Variants in MRPL58 observed in about 807,000 individuals in gnomAD.
MRPL58 encodes large ribosomal subunit protein mL62.
MRPL58 carries 17 observed loss-of-function variants against 26.0 expected under a neutral mutation model. The observed-to-expected ratio is 0.65, with a 90% CI of 0.45 to 0.98. The LOEUF (loss-of-function observed/expected upper bound fraction) is 0.98, where lower values mean the gene tolerates loss of function less well. Among genes scored for constraint, MRPL58 ranks in the 50% least tolerant of loss-of-function variants. The probability of loss-of-function intolerance (pLI) is 0.00; values close to 1 mark genes in which losing one functional copy is unlikely to be tolerated. For missense variants in MRPL58, 250 were observed against 269.0 expected (o/e 0.93, Z 0.49); for synonymous variants, 100 against 99.7 (o/e 1.00, Z -0.02).
intron 1 of MRPL58, among the ~76,000 whole-genome samples, chr17:75,015,366 C>A (rs559147472): frequency 5.9e-5 from 9 of 152,270 alleles, no homozygotes; most frequent in African/African-American, 9.6e-5. Context: ...CGCCTGTAGT[C>A]CCAGCTACTC....
chr17:75,013,477 GGA>G (rs2039949198), intron 1 of MRPL58, among the ~76,000 whole-genome samples: 1 of 152,216 alleles, frequency 6.6e-6, no homozygotes. Flanking sequence ...GCTAGGGGAT[GGA>G]GTAGCAAACA....
chr17:75,016,581 A>C (rs1415541994), intron 1 of MRPL58, among the ~76,000 whole-genome samples: 1 of 152,092 alleles, frequency 6.6e-6, no homozygotes, highest in Non-Finnish European at 1.5e-5. Context: ...CAAGAGAGAG[A>C]GAGACATGGA....
intron 2 of MRPL58, among the ~76,000 whole-genome samples, chr17:75,017,532 C>T (rs9903199): frequency 0.47 from 71,401 of 152,000 alleles, 18,067 homozygotes; most frequent in African/African-American, 0.67. Context: ...CTGGATCATC[C>T]GAGGTCAGGA....
chr17:75,018,642 G>C (rs373671536), intron 2 of MRPL58: 2 of 152,140 alleles, frequency 1.3e-5, no homozygotes, highest in African/African-American at 4.8e-5. Flanking sequence ...TGGAGGAATA[G>C]AGAGATAAGA....
chr17:75,015,813 G>A (rs2039969697), intron 1 of MRPL58, among the ~76,000 whole-genome samples: 1 of 151,868 alleles, frequency 6.6e-6, no homozygotes, highest in Non-Finnish European at 1.5e-5. Flanking sequence ...TGTCACCCAG[G>A]CTGGAGTGCA....
chr17:75,013,325 G>A (rs1431626536), intron 1 of MRPL58, among the ~76,000 whole-genome samples: 1 of 152,250 alleles, frequency 6.6e-6, no homozygotes, highest in African/African-American at 2.4e-5. Context: ...TTAGCCAGCT[G>A]TGTGCAGGCA....
rs1430618185 is a variant in MRPL58 at position 75,012,792 on chromosome 17, G to A, written c.106G>A (p.Gly36Ser). 1.2e-6 allele frequency: 2 copies of A among 1,610,440 alleles called. No homozygotes were observed. The highest frequency in any genetic ancestry group is 4.5e-5 in the East Asian group (2 of 44,590). Residue 36 changes from glycine (G) to serine (S), a missense_variant, in exon 1 of 6, where the codon GGC (glycine) becomes AGC (serine). By Grantham distance (56) the Gly-to-Ser change is moderately conservative. Coordinates refer to ENST00000301585, the MANE Select transcript of MRPL58 (RefSeq NM_001545.3). ...PRRALHKQKDGTEFKSIYSLD... is the reference protein window; with the variant it reads ...PRRALHKQKDSTEFKSIYSLD... ...CCGGGCGCTGCACAAGCAGAAAGAC[G>A]GCACTGAGTTCAAGAGCATCTACAG...
rs747105143 is a variant in MRPL58, at chr17:75,012,888, C to A, written c.186+16C>A. 1 of 1,599,868 alleles carries A rather than the reference C, an allele frequency of 6.3e-7. No homozygotes were observed. Among genetic ancestry groups the A allele is most frequent in the African/African-American group, 1.4e-5 (1 of 73,406 alleles). On this transcript the variant is annotated intron_variant, in intron 1 of 5. Transcript: ENST00000301585. ...GAGGGTCCCGGTGAGCCGGGAAGGA[C>A]TGGACGGAAGGGGCGTTTTGTCAGG...
At position 75,020,983 on chromosome 17, in the gene MRPL58, G is replaced by A; in HGVS notation, c.599G>A (p.Ser200Asn). The A allele has an allele frequency of 6.2e-7, 1 of 1,613,822 alleles. No homozygotes were observed. Among genetic ancestry groups the A allele is most frequent in the Non-Finnish European group, 8.5e-7 (1 of 1,179,700 alleles). Residue 200 changes from serine to asparagine, a missense_variant, in exon 6 of 6, where the codon AGC (serine) becomes AAC (asparagine). Physicochemically the swap from Ser to Asn is conservative, Grantham distance 46. Transcript: ENST00000301585. ...QKRIHSAVKTSRRVDMD is the reference protein window; with the variant it reads ...QKRIHSAVKTNRRVDMD ...AGAATTCATTCTGCTGTAAAGACAA[G>A]CAGGAGGGTCGACATGGACTGAAAT...
rs2040001154 is a variant in MRPL58 at position 75,019,728 on chromosome 17, T to G, written c.252T>G (p.Ser84Arg). ...GCTTGACAATATCTTATTGTCGGAG[T>G]AGTGGTCCTGGGGGGCAGAATGTGA... The part of the protein sequence containing the change: ...LDRLTISYCR[S>R]SGPGGQNVNK... The change falls in exon 3 of 6, where the codon AGT becomes AGG. Residue 84 changes from serine (S) to arginine (R), a missense_variant. Ser to Arg is a moderately radical substitution (Grantham distance 110). Transcript: ENST00000301585. 1 of 1,611,308 alleles carries G rather than the reference T, an allele frequency of 6.2e-7. No individual in the cohort carries two copies. Among genetic ancestry groups the G allele is most frequent in the Non-Finnish European group, 8.5e-7 (1 of 1,177,846 alleles).
chr17:75,012,967 C>CGGGGGGCTACGTGATGGTCGCCGCGGG, intron 1 of MRPL58, 95 bp downstream of exon 1: 2 of 1,164,236 alleles, frequency 1.7e-6, no homozygotes, highest in Non-Finnish European at 2.4e-6. Flanking sequence ...GGAGCTACGT[C>CGGGGGGCTACGTGATGGTCGCCGCGGG]GGGGGGCTAC....
intron 1 of MRPL58, among the ~76,000 whole-genome samples, chr17:75,013,229 G>A (rs1363805747): frequency 6.6e-6 from 1 of 152,200 alleles, no homozygotes; most frequent in Non-Finnish European, 1.5e-5. Flanking sequence ...GCTACCCTTT[G>A]GGACGTTACA....
At position 75,020,649 on chromosome 17, in the gene MRPL58, T is replaced by C. The variant is rs766511686; in HGVS notation, c.528T>C (p.His176=). The change falls in exon 5 of 6, where the codon CAT becomes CAC. Residue 176 remains histidine (H), a synonymous_variant. Coordinates refer to ENST00000301585, the MANE Select transcript of MRPL58 (RefSeq NM_001545.3). ...CAACAAAAGAAGATGTTAAACTTCA[T>C]AGAATCAGGTACCAGGAAATGCCCT... The part of the protein sequence containing the change: ...KEPTKEDVKL[H]RIRIENMNRE... 4 of 1,614,046 alleles carry C rather than the reference T, an allele frequency of 2.5e-6. No homozygotes were observed. The highest frequency in any genetic ancestry group is 1.7e-5 in the Admixed American group (1 of 60,014).
intron 1 of MRPL58, among the ~76,000 whole-genome samples, chr17:75,016,260 A>C (rs1187233416): frequency 6.6e-6 from 1 of 151,426 alleles, no homozygotes; most frequent in Non-Finnish European, 1.5e-5. Flanking sequence ...AAAAAAAAAA[A>C]ACAACAATAG....
intron 1 of MRPL58, among the ~76,000 whole-genome samples, chr17:75,013,121 T>C (rs2039945945): frequency 6.6e-6 from 1 of 152,206 alleles, no homozygotes; most frequent in Admixed American, 6.5e-5. Flanking sequence ...TACGTTCGTG[T>C]CCTTGGCCCT....
Position 75,012,727 on chromosome 17 carries a change from C to T in MRPL58, c.41C>T (p.Ala14Val). 1.3e-6 allele frequency: 2 copies of T among 1,578,688 alleles called. No homozygotes were observed. The highest frequency in any genetic ancestry group is 1.7e-6 in the Non-Finnish European group (2 of 1,164,584). The part of the protein sequence containing the change: ...TRCLRWGLSR[A>V]GVWLLPPPAR... ...TGCCTGCGCTGGGGCCTGAGCCGAG[C>T]CGGAGTCTGGCTGCTCCCACCGCCC... Residue 14 changes from alanine (A) to valine (V), a missense_variant, in exon 1 of 6, where the codon GCC (alanine) becomes GTC (valine). By Grantham distance (64) the Ala-to-Val change is moderately conservative. Transcript: ENST00000301585.
rs1306784866 is a variant in MRPL58, at chr17:75,017,191, T to C, written c.223+77T>C. On this transcript the variant is annotated intron_variant, in intron 2 of 5. Coordinates refer to ENST00000301585, the MANE Select transcript of MRPL58 (RefSeq NM_001545.3). ...CTGTAATCCCAGTTACTTGGGAGGC[T>C]GAGGCAGGAGAATCGCTTGAACCCA... 11 of 1,132,072 alleles carry C rather than the reference T, an allele frequency of 9.7e-6. No individual in the cohort carries two copies. In the Admixed American group the frequency reaches 1.7e-4, roughly 18 times the overall value. 70.1% of individuals were successfully genotyped at this position (1,132,072 alleles called of 1,614,324 possible). A position where few individuals can be genotyped will look rare whatever the true frequency, so the allele number is the denominator to read the frequency against.
chr17:75,017,199 G>T (rs2039980562), intron 2 of MRPL58, 85 bp downstream of exon 2: 1 of 1,045,628 alleles, frequency 9.6e-7, no homozygotes, highest in Non-Finnish European at 1.5e-6. Flanking sequence ...GCTGAGGCAG[G>T]AGAATCGCTT....
At chr17:75,018,773 G>A (rs2039993718) in intron 2 of MRPL58, 1 of 152,042 alleles carries the variant, frequency 6.6e-6, no homozygotes, top group African/African-American at 2.4e-5. Context: ...AGCCTGTAAA[G>A]AAACAATGAG....
Sources: allele counts gnomAD v4.1 joint callset (sites outside exome capture counted in the v4.1 genomes callset), GRCh38; gene constraint gnomAD v4.1.1; transcripts MANE v1.5; gene names NCBI Gene and HGNC (gene_info 2026-07-23, HGNC 2026-07-21).